The following FHIT variants were observed in gnomAD, a reference collection of about 807,000 sequenced individuals.
The protein encoded by FHIT is bis(5'-adenosyl)-triphosphatase.
Under a neutral mutation model 17.9 loss-of-function variants are expected in FHIT, and 19 were observed. The ratio of observed to expected loss-of-function variants is 1.06; its 90% CI spans 0.74 to 1.56. The LOEUF (loss-of-function observed/expected upper bound fraction) is 1.56, where lower values mean the gene tolerates loss of function less well. FHIT is among the 40% of genes most tolerant of loss of function. The pLI, the probability that FHIT is intolerant of heterozygous loss-of-function variation, is 0.00. For synonymous variants in FHIT, 81 were observed against 69.7 expected, an observed-to-expected ratio of 1.16 and a Z score of -0.81; for missense variants, 248 against 189.2, an observed-to-expected ratio of 1.31 and a Z score of -1.82.
rs78427679 is a variant in FHIT at position 60,159,467 on chromosome 3, A to G, written c.104-145315T>C. On this transcript the variant is annotated intron_variant, in intron 5 of 9. Transcript: ENST00000492590. The stretch of plus-strand genomic sequence containing the variant: ...AAGGGTAAGATTCTCTCCCCCATAC[A>G]TATCCTCACAAGCCAATTTTCGTAT... Among the ~76,000 whole-genome samples the G allele has an allele frequency of 0.033, 5,069 of 152,200 alleles. 589 individuals are homozygous for G. In the East Asian group the frequency reaches 0.4, roughly 12 times the overall value.
At chr3:61,139,876 C>T (rs1007000173) in intron 2 of FHIT, among the ~76,000 whole-genome samples, 1 of 152,024 alleles carries the variant, frequency 6.6e-6, no homozygotes, top group Admixed American at 6.6e-5. Flanking sequence ...CATTTGAAAG[C>T]CTGAAATTCA....
At chr3:61,097,444 T>C (rs1000351740) in intron 2 of FHIT, among the ~76,000 whole-genome samples, 32 of 152,218 alleles carry the variant, frequency 2.1e-4, no homozygotes, top group Admixed American at 2.1e-3. Context: ...ATGATTTATA[T>C]TCCTTTGGGT....
intron 8 of FHIT, among the ~76,000 whole-genome samples, chr3:59,802,508 C>A (rs1039942951): frequency 6.6e-6 from 1 of 152,172 alleles, no homozygotes; most frequent in African/African-American, 2.4e-5. Context: ...TCTCCTGACT[C>A]AGAAGCTCCC....
intron 1 of FHIT, among the ~76,000 whole-genome samples, chr3:61,207,952 A>C (rs2039307610): frequency 6.6e-6 from 1 of 151,964 alleles, no homozygotes; most frequent in East Asian, 1.9e-4. Flanking sequence ...GTGGGCATTT[A>C]GTGCTATAAA....
At chr3:59,980,687 T>C (rs812444) in intron 7 of FHIT, among the ~76,000 whole-genome samples, 146,709 of 152,250 alleles carry the variant, frequency 0.96, 70,918 homozygotes, top group East Asian at 1. Flanking sequence ...CACCACTGCC[T>C]CATCCCTTCC....
intron 4 of FHIT, among the ~76,000 whole-genome samples, chr3:60,710,876 T>G (rs1028694274): frequency 1.3e-5 from 2 of 152,090 alleles, no homozygotes; most frequent in African/African-American, 4.8e-5. Context: ...AGCAGTAACC[T>G]CTGCAGACTT....
chr3:60,797,867 G>C (rs1271841114), intron 4 of FHIT, among the ~76,000 whole-genome samples: 2 of 151,738 alleles, frequency 1.3e-5, no homozygotes, highest in African/African-American at 4.8e-5. Flanking sequence ...AAATTCTAAT[G>C]TATAATTTTG....
intron 3 of FHIT, among the ~76,000 whole-genome samples, chr3:60,884,711 A>G (rs2107143070): frequency 6.6e-6 from 1 of 152,114 alleles, no homozygotes; most frequent in East Asian, 1.9e-4. Flanking sequence ...AGGGAGGATT[A>G]TTTGAGCCCA....
intron 7 of FHIT, among the ~76,000 whole-genome samples, chr3:59,983,342 T>C (rs954499303): frequency 2.6e-5 from 4 of 152,166 alleles, no homozygotes; most frequent in African/African-American, 9.7e-5. Context: ...TACCTTCCTA[T>C]TGGCAGTTTT....
chr3:60,650,498 C>A (rs79177721), intron 4 of FHIT, among the ~76,000 whole-genome samples: 1,762 of 152,284 alleles, frequency 0.012, 42 homozygotes, highest in African/African-American at 0.04. Flanking sequence ...ATAGCTTCCC[C>A]CTTCTGGACA....
intron 5 of FHIT, among the ~76,000 whole-genome samples, chr3:60,428,952 A>G (rs1702774833): frequency 6.6e-6 from 1 of 152,122 alleles, no homozygotes; most frequent in Non-Finnish European, 1.5e-5. Context: ...ACTTTCAGTT[A>G]CTCTGCTTGG....
chr3:60,881,979 A>C (rs1382619904), intron 3 of FHIT, among the ~76,000 whole-genome samples: 3 of 152,038 alleles, frequency 2.0e-5, no homozygotes, highest in Non-Finnish European at 4.4e-5. Context: ...AAAAGATAAC[A>C]AAATTAACAA....
intron 5 of FHIT, among the ~76,000 whole-genome samples, chr3:60,197,122 C>G (rs986325313): frequency 6.6e-6 from 1 of 152,156 alleles, no homozygotes; most frequent in Non-Finnish European, 1.5e-5. Flanking sequence ...AAGCAGCATA[C>G]TTAACATGCA....
chr3:60,083,544 T>C (rs947947967), intron 5 of FHIT, among the ~76,000 whole-genome samples: 2 of 152,092 alleles, frequency 1.3e-5, no homozygotes, highest in East Asian at 1.9e-4. Context: ...TTGGGCAACA[T>C]TGCCATATTA....
chr3:60,007,689 C>A (rs965552429), intron 7 of FHIT, among the ~76,000 whole-genome samples: 1 of 152,128 alleles, frequency 6.6e-6, no homozygotes, highest in Non-Finnish European at 1.5e-5. Context: ...GACCTAAAGA[C>A]AACTGTGTAT....
chr3:60,906,507 T>C (rs1553764597), intron 3 of FHIT, among the ~76,000 whole-genome samples: 2 of 152,230 alleles, frequency 1.3e-5, no homozygotes. Flanking sequence ...ACTTTCTTTC[T>C]AAATTCCATT....
At chr3:60,490,858 AG>A (rs2034033775) in intron 5 of FHIT, among the ~76,000 whole-genome samples, 1 of 152,150 alleles carries the variant, frequency 6.6e-6, no homozygotes, top group Admixed American at 6.5e-5. Context: ...GTGAGGATAC[AG>A]GTATAAAGAT....
At chr3:60,357,756 A>G (rs1699736630) in intron 5 of FHIT, among the ~76,000 whole-genome samples, 1 of 152,228 alleles carries the variant, frequency 6.6e-6, no homozygotes, top group Admixed American at 6.5e-5. Context: ...ATTGCAAAGC[A>G]TATTTTAAAA....
intron 2 of FHIT, among the ~76,000 whole-genome samples, chr3:61,127,691 C>G (rs1459258255): frequency 6.6e-6 from 1 of 151,460 alleles, no homozygotes; most frequent in East Asian, 1.9e-4. Flanking sequence ...ATGGTGAAAC[C>G]CCATCTCTAC....
Sources: allele counts gnomAD v4.1 joint callset (sites outside exome capture counted in the v4.1 genomes callset), GRCh38; gene constraint gnomAD v4.1.1; transcripts MANE v1.5; gene names NCBI Gene and HGNC (gene_info 2026-07-23, HGNC 2026-07-21).